APPL1: variants seen among roughly 807,000 people sequenced by gnomAD.
The protein encoded by APPL1 is DCC-interacting protein 13-alpha.
APPL1 carries 42 observed loss-of-function variants against 106.8 expected under a neutral mutation model. That is an observed-to-expected ratio of 0.39 (90% CI 0.31 to 0.51). The LOEUF (loss-of-function observed/expected upper bound fraction) is 0.51. APPL1 is among the 20% of genes least tolerant of loss of function. The pLI is 0.75. For missense variants in APPL1, 769 were observed against 858.2 expected, an observed-to-expected ratio of 0.90 and a Z score of 1.30; for synonymous variants, 263 against 281.8, an observed-to-expected ratio of 0.93 and a Z score of 0.67.
intron 11 of APPL1, among the ~76,000 whole-genome samples, chr3:57,251,042 C>G (rs912915572): frequency 1.4e-5 from 2 of 147,640 alleles, no homozygotes; most frequent in Non-Finnish European, 3.0e-5. Context: ...CTCCTGACCT[C>G]GTGATCCGCC....
Position 57,228,033 on chromosome 3 carries a change from C to G in APPL1, c.54+96C>G. 1.8e-6 allele frequency: 2 copies of G among 1,092,860 alleles called. No homozygotes were observed. The highest frequency in any genetic ancestry group is 5.7e-5 in the South Asian group (2 of 35,270). 67.7% of individuals were successfully genotyped at this position (1,092,860 alleles called of 1,614,324 possible). On this transcript the variant is annotated intron_variant, in intron 1 of 21. Transcript: ENST00000288266. This position sits in a 1 kb window ranked among gnomAD's most constrained non-coding sequence, Gnocchi z 4.6. ...GCTCCCGCAGGTGCCCGCCCCGGCC[C>G]AGGTGGGGGCCGCCGCCGCCCTAGG...
chr3:57,244,431 C>T (rs1268239012), intron 7 of APPL1, among the ~76,000 whole-genome samples: 1 of 152,174 alleles, frequency 6.6e-6, no homozygotes, highest in Non-Finnish European at 1.5e-5. Flanking sequence ...GCTGGGATTA[C>T]AGGCTTGAGC....
chr3:57,234,711 A>G (rs1044206327), intron 1 of APPL1, among the ~76,000 whole-genome samples: 1 of 151,128 alleles, frequency 6.6e-6, no homozygotes, highest in African/African-American at 2.4e-5. Context: ...GCTGAAGTGC[A>G]GTGGCGTGAT....
intron 10 of APPL1, 79 bp from the exon 11 acceptor site, chr3:57,249,281 A>T (rs1263053840): frequency 6.8e-7 from 1 of 1,477,936 alleles, no homozygotes; most frequent in East Asian, 2.3e-5. Flanking sequence ...TCATTGTAAC[A>T]TGCTTTATCT....
chr3:57,240,272 T>C (rs2060738671), intron 4 of APPL1, among the ~76,000 whole-genome samples, 193 bp from the exon 5 acceptor site: 1 of 152,132 alleles, frequency 6.6e-6, no homozygotes, highest in Admixed American at 6.6e-5. Context: ...TCCAAGGTCA[T>C]TCTGTGTTTT....
At chr3:57,248,089 C>T in intron 9 of APPL1, 104 bp from the exon 10 acceptor site, 1 of 1,226,132 alleles carries the variant, frequency 8.2e-7, no homozygotes, top group Non-Finnish European at 1.1e-6. Context: ...GCCGCTCTTC[C>T]TCTCTTTAAG....
chr3:57,260,560 G>A (rs2060859573), intron 18 of APPL1, 68 bp from the exon 19 acceptor site: 8 of 1,419,354 alleles, frequency 5.6e-6, no homozygotes, highest in South Asian at 1.6e-5. Flanking sequence ...TAGCATATGA[G>A]TTTGTCACAA....
chr3:57,237,733 A>C (rs1015050893), intron 3 of APPL1, among the ~76,000 whole-genome samples, 182 bp downstream of exon 3: 1 of 152,154 alleles, frequency 6.6e-6, no homozygotes, highest in South Asian at 2.1e-4. Context: ...TATCTAGTTT[A>C]CTTGTTTTCT....
chr3:57,268,241 G>T, intron 20 of APPL1, 157 bp from the exon 21 acceptor site: 2 of 705,618 alleles, frequency 2.8e-6, no homozygotes, highest in Non-Finnish European at 4.4e-6. Flanking sequence ...TTTAGAATTT[G>T]GATAATTGTT....
At chr3:57,230,339 G>A (rs536835923) in intron 1 of APPL1, among the ~76,000 whole-genome samples, 1 of 152,142 alleles carries the variant, frequency 6.6e-6, no homozygotes, top group East Asian at 1.9e-4. Context: ...AATAATAGTT[G>A]CTTCCTTCAG....
chr3:57,265,231 G>A (rs1047667038), intron 19 of APPL1, among the ~76,000 whole-genome samples: 4 of 151,872 alleles, frequency 2.6e-5, no homozygotes, highest in Non-Finnish European at 4.4e-5. Context: ...TCACTGCAAT[G>A]TCTGCCTCCC....
At chr3:57,240,112 T>G (rs1162033910) in intron 4 of APPL1, among the ~76,000 whole-genome samples, 1 of 151,484 alleles carries the variant, frequency 6.6e-6, no homozygotes, top group Non-Finnish European at 1.5e-5. Flanking sequence ...TTGGCAAATA[T>G]TTTCTCCCAT....
intron 13 of APPL1, among the ~76,000 whole-genome samples, chr3:57,254,508 G>A (rs140274710): frequency 2.4e-3 from 363 of 152,340 alleles, no homozygotes; most frequent in African/African-American, 8.4e-3. Context: ...TGTGGAGATG[G>A]TGGAAACCTG....
rs770545051 is a variant in APPL1, at chr3:57,257,258, A to G, written c.1260A>G (p.Pro420=). 3.1e-6 allele frequency: 5 copies of G among 1,612,928 alleles called. No homozygotes were observed. The Admixed American group carries it at 8.4e-5, about 27-fold the overall frequency. Residue 420 remains proline, a synonymous_variant, in exon 15 of 22, where the codon CCA becomes CCG. Transcript: ENST00000288266. The part of the protein sequence containing the change: ...SLRPAAGQSR[P]PTARTSSSGS... The stretch of plus-strand genomic sequence containing the variant: ...GTTTTATGCTTAGACAATCTCGGCC[A>G]CCGACAGCTCGAACCAGCAGTTCAG...
At chr3:57,248,453 A>C in intron 10 of APPL1, 102 bp downstream of exon 10, 6 of 1,363,840 alleles carry the variant, frequency 4.4e-6, no homozygotes, top group Admixed American at 2.4e-5. Context: ...ATTTTTATTA[A>C]AGGTTGAAAC....
Position 57,273,011 on chromosome 3 carries a change from T to C in APPL1, c.*3324T>C, listed in dbSNP as rs1268266094. ...AGCAACCCTTTATTTTTAGCAAGTT[T>C]GGTTTACTCTTCTCCCATGAGATTT... On this transcript the variant is annotated 3_prime_UTR_variant, in exon 22 of 22. Transcript: ENST00000288266. 1.3e-5 allele frequency: 2 copies of C among 152,668 alleles called. No homozygotes were observed. Among genetic ancestry groups the C allele is most frequent in the Non-Finnish European group, 2.9e-5 (2 of 68,052 alleles). The allele number at this position is 152,668 out of a possible 1,614,324, so 9.5% of individuals were successfully genotyped here. A position where few individuals can be genotyped will look rare whatever the true frequency, so the allele number is the denominator to read the frequency against.
chr3:57,237,240 T>G (rs1413201747), intron 2 of APPL1, among the ~76,000 whole-genome samples: 4 of 152,178 alleles, frequency 2.6e-5, no homozygotes, highest in Non-Finnish European at 4.4e-5. Context: ...TTAAAGTATT[T>G]AGTGCTTAGT....
intron 1 of APPL1, among the ~76,000 whole-genome samples, chr3:57,231,364 A>AT (rs140836469): frequency 0.059 from 8,536 of 144,962 alleles, 914 homozygotes; most frequent in African/African-American, 0.21. Context: ...AAAAAAGAAA[A>AT]TTTTTTTTTT....
chr3:57,262,385 C>CTTTT (rs373526618), intron 19 of APPL1, among the ~76,000 whole-genome samples: 15,073 of 28,676 alleles, frequency 0.53, 6,617 homozygotes, highest in East Asian at 0.77. Flanking sequence ...GGAAAATAAC[C>CTTTT]TTTTTTTTTT....
Sources: gnomAD v4.1 joint callset for allele counts (sites outside exome capture counted in the v4.1 genomes callset) on GRCh38, gnomAD v4.1.1 for gene constraint, Gnocchi (gnomAD v3.1) non-coding constraint, MANE v1.5 for transcripts, NCBI Gene and HGNC (gene_info 2026-07-23, HGNC 2026-07-21) for gene names.